Variants in PUM1 observed in about 807,000 individuals in gnomAD.
PUM1 encodes the protein pumilio homolog 1.
A neutral mutation model predicts 131.8 loss-of-function variants in PUM1; 13 were observed. The ratio of observed to expected loss-of-function variants is 0.10; its 90% CI spans 0.06 to 0.16. PUM1 has a LOEUF of 0.16. PUM1 is among the 10% of genes least tolerant of loss of function. PUM1 has a pLI of 1.00. For missense variants in PUM1, 961 were observed against 1,512.4 expected (o/e 0.64, Z 6.05); for synonymous variants, 509 against 556.5 (o/e 0.91, Z 1.20).
At chr1:31,009,388 C>T (rs141482999) in intron 3 of PUM1, among the ~76,000 whole-genome samples, 5 of 152,004 alleles carry the variant, frequency 3.3e-5, no homozygotes, top group South Asian at 2.1e-4. Flanking sequence ...GTGCAAAGAA[C>T]GCTAAGGTGA....
intron 5 of PUM1, among the ~76,000 whole-genome samples, chr1:30,995,539 T>C (rs963360014): frequency 7.2e-5 from 11 of 151,738 alleles, no homozygotes; most frequent in Non-Finnish European, 1.5e-4. Context: ...CAGCCATAAC[T>C]TTGCAGCTCT....
At chr1:31,048,645 T>C (rs1283039557) in intron 2 of PUM1, among the ~76,000 whole-genome samples, 2 of 151,422 alleles carry the variant, frequency 1.3e-5, no homozygotes, top group African/African-American at 4.8e-5. Flanking sequence ...CAGCTAATTT[T>C]TTGTATTTTT....
At chr1:31,012,390 T>C (rs1307738712) in intron 3 of PUM1, among the ~76,000 whole-genome samples, 1 of 151,940 alleles carries the variant, frequency 6.6e-6, no homozygotes, top group African/African-American at 2.4e-5. Context: ...AGCAATAAAA[T>C]AAATAGACCT....
At chr1:30,989,102 A>G (rs1052658534) in intron 7 of PUM1, among the ~76,000 whole-genome samples, 3 of 152,234 alleles carry the variant, frequency 2.0e-5, no homozygotes, top group African/African-American at 7.2e-5. Flanking sequence ...GCAACACAGC[A>G]TAAGACTCAC....
intron 5 of PUM1, among the ~76,000 whole-genome samples, chr1:30,996,836 C>T (rs1641996744): frequency 6.6e-6 from 1 of 152,200 alleles, no homozygotes; most frequent in Non-Finnish European, 1.5e-5. Flanking sequence ...CTCCATACTG[C>T]AGAGGCAAAA....
intron 10 of PUM1, among the ~76,000 whole-genome samples, chr1:30,969,226 C>A (rs1640759236): frequency 6.7e-6 from 1 of 149,592 alleles, no homozygotes; most frequent in African/African-American, 2.5e-5. Flanking sequence ...ATCACTTGAA[C>A]CTGGGAGGCG....
chr1:30,940,481 AT>A (rs1324342069), intron 20 of PUM1, among the ~76,000 whole-genome samples: 1 of 152,238 alleles, frequency 6.6e-6, no homozygotes, highest in Admixed American at 6.5e-5. Context: ...GTCTCAAAAA[AT>A]AACATAAATT....
chr1:30,969,194 C>G (rs977802809), intron 10 of PUM1, among the ~76,000 whole-genome samples: 27 of 151,088 alleles, frequency 1.8e-4, no homozygotes, highest in Admixed American at 1.3e-4. Context: ...ATCCCAGCTA[C>G]GAGAGAGGAT....
intron 4 of PUM1, 106 bp from the exon 5 acceptor site, chr1:31,006,137 AGTT>A (rs2124509337): frequency 6.1e-6 from 6 of 991,410 alleles, no homozygotes; most frequent in Admixed American, 6.3e-5. Flanking sequence ...TGCCATGGTC[AGTT>A]GAGCCAAAAC....
At chr1:30,955,909 A>G (rs1457881305) in intron 14 of PUM1, among the ~76,000 whole-genome samples, 2 of 152,250 alleles carry the variant, frequency 1.3e-5, no homozygotes, top group East Asian at 3.8e-4. Context: ...CTATGTTAGA[A>G]GTTTTTCATA....
intron 2 of PUM1, among the ~76,000 whole-genome samples, chr1:31,037,432 TA>T (rs1643647633): frequency 6.6e-6 from 1 of 152,158 alleles, no homozygotes; most frequent in Non-Finnish European, 1.5e-5. Flanking sequence ...ATCTAAAACA[TA>T]ATGAATTTAG....
chr1:30,989,245 A>G (rs1641681936), intron 7 of PUM1, among the ~76,000 whole-genome samples: 1 of 152,108 alleles, frequency 6.6e-6, no homozygotes, highest in Non-Finnish European at 1.5e-5. Flanking sequence ...TTTTCTTCGT[A>G]TATAAAAAAG....
chr1:31,024,472 C>T (rs1643151793), intron 3 of PUM1, among the ~76,000 whole-genome samples: 1 of 152,080 alleles, frequency 6.6e-6, no homozygotes, highest in African/African-American at 2.4e-5. Context: ...TCTAGATTTC[C>T]TTTGTCAGGT....
chr1:30,969,316 C>G (rs958609791), intron 10 of PUM1, among the ~76,000 whole-genome samples: 1 of 51,180 alleles, frequency 2.0e-5, no homozygotes, highest in Non-Finnish European at 4.0e-5. Context: ...AACACACACA[C>G]AAAAAAAAAA....
At chr1:30,965,270 G>A (rs1640573810) in intron 13 of PUM1, among the ~76,000 whole-genome samples, 1 of 152,080 alleles carries the variant, frequency 6.6e-6, no homozygotes, top group South Asian at 2.1e-4. Flanking sequence ...ATGGGATACA[G>A]AAAAAAGATT....
intron 5 of PUM1, among the ~76,000 whole-genome samples, chr1:30,999,153 C>T (rs1207703997): frequency 6.6e-6 from 1 of 152,132 alleles, no homozygotes; most frequent in African/African-American, 2.4e-5. Flanking sequence ...GATGCACACA[C>T]CATGCCTGGC....
chr1:31,050,886 G>A, intron 2 of PUM1: 1 of 253,524 alleles, frequency 3.9e-6, no homozygotes, highest in Non-Finnish European at 8.4e-6. Flanking sequence ...GTCACCAGCA[G>A]CTCTACTGGA....
intron 21 of PUM1, among the ~76,000 whole-genome samples, chr1:30,933,583 T>C (rs575745287): frequency 1.3e-5 from 2 of 152,180 alleles, no homozygotes; most frequent in African/African-American, 4.8e-5. Flanking sequence ...CCCTGAGTGG[T>C]GCCACAGGGC....
At chr1:31,014,894 T>C (rs571492526) in intron 3 of PUM1, among the ~76,000 whole-genome samples, 1 of 152,030 alleles carries the variant, frequency 6.6e-6, no homozygotes, top group East Asian at 1.9e-4. Flanking sequence ...AGCATATTGG[T>C]AGGCAGAAGG....
Sources: allele counts gnomAD v4.1 joint callset (sites outside exome capture counted in the v4.1 genomes callset), GRCh38; gene constraint gnomAD v4.1.1; transcripts MANE v1.5; gene names NCBI Gene and HGNC (gene_info 2026-07-23, HGNC 2026-07-21).